NIN: variants seen among roughly 807,000 people sequenced by gnomAD.
The protein encoded by NIN is ninein, also known as glycogen synthase kinase 3 beta-interacting protein.
A neutral mutation model predicts 257.6 loss-of-function variants in NIN; 137 were observed. That is an observed-to-expected ratio of 0.53 (90% CI 0.46 to 0.61). NIN has a LOEUF of 0.61. NIN is among the 20% of genes least tolerant of loss of function. NIN has a pLI of 0.00. For missense variants in NIN, 2,439 were observed against 2,501.2 expected, an observed-to-expected ratio of 0.98 and a Z score of 0.53; for synonymous variants, 918 against 919.8, an observed-to-expected ratio of 1.00 and a Z score of 0.04.
At chr14:50,810,954 G>A (rs761165324) in intron 3 of NIN, among the ~76,000 whole-genome samples, 2 of 152,140 alleles carry the variant, frequency 1.3e-5, no homozygotes, top group African/African-American at 4.8e-5. Context: ...GAGCCACCGC[G>A]CCCAGCCTTT....
intron 29 of NIN, 76 bp downstream of exon 29, chr14:50,729,447 C>T (rs2040581707): frequency 2.8e-6 from 4 of 1,404,620 alleles, no homozygotes; most frequent in African/African-American, 1.4e-5. Flanking sequence ...TTTCTCTCCA[C>T]CTTTGAACTG....
rs78533984 is a variant in NIN, at chr14:50,807,795, T to C, written c.184-977A>G. ...AGTGGACAAAAAATCATATCATGTC[T>C]TATCTATGCAAATCAAAACAAAAGA... On this transcript the variant is annotated intron_variant, in intron 3 of 30. Transcript: ENST00000530997. 7.6e-3 allele frequency among the ~76,000 whole-genome samples: 1,162 copies of C among 152,340 alleles called. 18 individuals carry two copies. The highest frequency in any genetic ancestry group is 0.027 in the African/African-American group (1,113 of 41,566).
Position 50,758,457 on chromosome 14 carries a change from C to A in NIN, c.2573G>T (p.Trp858Leu). The A allele has an allele frequency of 6.2e-7, 1 of 1,614,172 alleles. No homozygotes were observed. The highest frequency in any genetic ancestry group is 8.5e-7 in the Non-Finnish European group (1 of 1,180,030). The stretch of plus-strand genomic sequence containing the variant: ...GGTGAGCTCGTCCTTCTCAAATTCC[C>A]ACTGGGATTTCTCCTCACGCTGCTG... ...QEQQREEKSQ[W>L]EFEKDELTQE... Residue 858 changes from tryptophan (W) to leucine (L), a missense_variant, in exon 18 of 31, where the codon TGG (tryptophan) becomes TTG (leucine). Around this residue, in one of 3 missense-constraint regions of NIN, gnomAD observed 2,043 missense variants for 2,050.2 expected, o/e 1.00. Coordinates refer to ENST00000530997, the MANE Select transcript of NIN (RefSeq NM_020921.4).
At chr14:50,776,901 T>C (rs760910903) in intron 7 of NIN, 48 bp downstream of exon 7, 1 of 1,527,768 alleles carries the variant, frequency 6.5e-7, no homozygotes, top group South Asian at 1.2e-5. Context: ...TGTGGTCAAC[T>C]ACACTTTTAC....
chr14:50,729,236 G>A (rs2040566623), intron 29 of NIN, among the ~76,000 whole-genome samples: 2 of 151,138 alleles, frequency 1.3e-5, no homozygotes, highest in South Asian at 2.1e-4. Context: ...TCTGAAAGAA[G>A]ATTTAGGATT....
Position 50,760,000 on chromosome 14 carries a change from T to G in NIN, c.2256A>C (p.Glu752Asp). Residue 752 changes from glutamate to aspartate, a missense_variant, in exon 17 of 31, where the codon GAA becomes GAC. This residue lies in a region of NIN where 2,043 missense variants were observed against 2,050.2 expected (regional missense o/e 1.00). Transcript: ENST00000530997. The part of the protein sequence containing the change: ...REGLQSSAWT[E>D]EKVRGLTQEL... ...CCTGAGTCAAGCCTCTCACCTTCTC[T>G]TCTGTCCAGGCGCTACTCTGAAGGC... 3 of 1,614,218 alleles carry G rather than the reference T, an allele frequency of 1.9e-6. No individual in the cohort carries two copies. The highest frequency in any genetic ancestry group is 1.7e-6 in the Non-Finnish European group (2 of 1,180,030).
intron 1 of NIN, 142 bp downstream of exon 1, chr14:50,830,864 G>A (rs1398531536): frequency 6.6e-6 from 1 of 151,224 alleles, no homozygotes; most frequent in East Asian, 1.9e-4. Context: ...GCTGGCCCCG[G>A]ACCCCAAATG....
chr14:50,727,067 G>A (rs1412474875), intron 29 of NIN, among the ~76,000 whole-genome samples: 1 of 151,852 alleles, frequency 6.6e-6, no homozygotes, highest in Non-Finnish European at 1.5e-5. Context: ...AGGACATCTA[G>A]CTTTTAAAAA....
intron 28 of NIN, 83 bp from the exon 29 acceptor site, chr14:50,729,806 G>C: frequency 9.3e-7 from 1 of 1,071,996 alleles, no homozygotes; most frequent in Non-Finnish European, 1.3e-6. Flanking sequence ...AGTGAGTAAT[G>C]AAGACTATTA....
At chr14:50,827,040 T>C (rs1358294261) in intron 2 of NIN, among the ~76,000 whole-genome samples, 2 of 152,224 alleles carry the variant, frequency 1.3e-5, no homozygotes, top group African/African-American at 4.8e-5. Context: ...TTTATGCCTT[T>C]AGCTTTCACC....
Position 50,761,816 on chromosome 14 carries a change from A to C in NIN, c.1870T>G (p.Cys624Gly). Reference sequence around the variant, plus strand: ...TTATCTTCGAGCTCCAGTCTGAGGCAACATATGTCCCTGTGATGTTGTTCT... The same window carrying C: ...TTATCTTCGAGCTCCAGTCTGAGGCCACATATGTCCCTGTGATGTTGTTCT... ...MKEQHHRDIC[C>G]LRLELEDKVR... The change falls in exon 16 of 31, where the codon TGC (cysteine) becomes GGC (glycine). Residue 624 changes from cysteine to glycine, a missense_variant. By Grantham distance (159) the Cys-to-Gly change is radical. Around this residue, in one of 3 missense-constraint regions of NIN, gnomAD observed 2,043 missense variants for 2,050.2 expected, o/e 1.00. Coordinates refer to ENST00000530997, the MANE Select transcript of NIN (RefSeq NM_020921.4). 3.1e-6 allele frequency: 5 copies of C among 1,614,216 alleles called. No homozygotes were observed. Among genetic ancestry groups the C allele is most frequent in the Non-Finnish European group, 4.2e-6 (5 of 1,180,036 alleles).
At chr14:50,758,851 C>T (rs758807741) in intron 17 of NIN, among the ~76,000 whole-genome samples, 1 of 152,194 alleles carries the variant, frequency 6.6e-6, no homozygotes, top group African/African-American at 2.4e-5. Flanking sequence ...ACTTACCTCT[C>T]TCTGGAGTTA....
At chr14:50,734,070 C>A (rs1313041921) in intron 28 of NIN, among the ~76,000 whole-genome samples, 2 of 149,716 alleles carry the variant, frequency 1.3e-5, no homozygotes, top group Admixed American at 6.7e-5. Flanking sequence ...AGCTCCATTT[C>A]TTCTTTTTCT....
chr14:50,811,988 G>C (rs867486334), intron 3 of NIN, among the ~76,000 whole-genome samples: 4 of 151,340 alleles, frequency 2.6e-5, no homozygotes, highest in African/African-American at 9.7e-5. Context: ...GGGCGTGGTG[G>C]CAGTGCCTGT....
In NIN at chr14:50,725,789, G is replaced by A. The variant is rs189148899; in HGVS notation, c.6192+164C>T. ...AAATACAGAGTTCGTATTTTTTGGG[G>A]TGATATGAGGGATAGCAAATCCTAA... On this transcript the variant is annotated intron_variant, in intron 30 of 30. Coordinates refer to ENST00000530997, the MANE Select transcript of NIN (RefSeq NM_020921.4). The A allele has an allele frequency of 1.8e-5, 22 of 1,251,982 alleles. No individual in the cohort carries two copies. In the East Asian group the frequency reaches 5.2e-4, roughly 29 times the overall value. 77.6% of individuals were successfully genotyped at this position (1,251,982 alleles called of 1,614,324 possible). A position where few individuals can be genotyped will look rare whatever the true frequency, so the allele number is the denominator to read the frequency against.
intron 28 of NIN, among the ~76,000 whole-genome samples, chr14:50,733,562 AAAC>A: frequency 6.6e-6 from 1 of 152,320 alleles, no homozygotes; most frequent in East Asian, 1.9e-4. Context: ...CTAGGTGGGA[AAAC>A]AACAAGGGGA....
At chr14:50,796,799 A>T (rs1036488661) in intron 4 of NIN, among the ~76,000 whole-genome samples, 2 of 151,912 alleles carry the variant, frequency 1.3e-5, no homozygotes, top group African/African-American at 4.8e-5. Context: ...AGCCTCCCCT[A>T]CTCCAGGTTT....
At chr14:50,738,423 G>T in intron 26 of NIN, 137 bp from the exon 27 acceptor site, 1 of 753,704 alleles carries the variant, frequency 1.3e-6, no homozygotes, top group Non-Finnish European at 2.1e-6. Flanking sequence ...GTAAATACTT[G>T]AAGCTAGCTT....
intron 30 of NIN, among the ~76,000 whole-genome samples, chr14:50,724,591 T>G (rs563409214): frequency 4.6e-5 from 7 of 152,276 alleles, no homozygotes; most frequent in African/African-American, 1.7e-4. Context: ...GGTTCTTCAT[T>G]GCCGACAGAA....
Sources: gnomAD v4.1 joint callset for allele counts (sites outside exome capture counted in the v4.1 genomes callset) on GRCh38, gnomAD v4.1.1 for gene constraint, gnomAD v4.1.1 regional missense constraint, MANE v1.5 for transcripts, NCBI Gene and HGNC (gene_info 2026-07-23, HGNC 2026-07-21) for gene names.